Variants in ADCY8 observed in about 807,000 individuals in gnomAD.
ADCY8 encodes adenylate cyclase 8.
ADCY8 carries 51 observed loss-of-function variants against 119.7 expected under a neutral mutation model. The observed-to-expected ratio is 0.43, with a 90% CI of 0.34 to 0.54. The LOEUF (loss-of-function observed/expected upper bound fraction) is 0.54. ADCY8 is among the 20% of genes least tolerant of loss of function. ADCY8 has a pLI of 0.03. For missense variants in ADCY8, 1,383 were observed against 1,598.8 expected (o/e 0.87, Z 2.30); for synonymous variants, 665 against 651.0 (o/e 1.02, Z -0.33).
At position 130,884,330 on chromosome 8, in the gene ADCY8, G is replaced by T. The variant is rs182252374; in HGVS notation, c.2109+234C>A. On this transcript the variant is annotated intron_variant, in intron 8 of 17. Coordinates refer to ENST00000286355, the MANE Select transcript of ADCY8 (RefSeq NM_001115.3). ...AGTTAAAGGAGTCTTTGTTCTTTGAGTCTTCTTTTCCTTAAAGAGCAAGCT... is the reference window on the plus strand; with the variant it reads ...AGTTAAAGGAGTCTTTGTTCTTTGATTCTTCTTTTCCTTAAAGAGCAAGCT... Among the ~76,000 whole-genome samples the T allele has an allele frequency of 2.7e-3, 405 of 152,242 alleles. 2 individuals carry two copies. Among genetic ancestry groups the T allele is most frequent in the Non-Finnish European group, 3.9e-3 (264 of 68,010 alleles).
At chr8:130,894,297 T>C (rs1343032230) in intron 7 of ADCY8, among the ~76,000 whole-genome samples, 1 of 152,172 alleles carries the variant, frequency 6.6e-6, no homozygotes, top group Non-Finnish European at 1.5e-5. Context: ...CCTTTTACCC[T>C]AACTTTCCCA....
At chr8:131,035,860 C>T (rs1353688269) in intron 1 of ADCY8, among the ~76,000 whole-genome samples, 1 of 152,108 alleles carries the variant, frequency 6.6e-6, no homozygotes, top group Middle Eastern at 3.2e-3. Flanking sequence ...AGATGCTATT[C>T]CAGTGTTTAT....
intron 10 of ADCY8, among the ~76,000 whole-genome samples, chr8:130,848,741 C>A (rs934916598): frequency 5.9e-5 from 9 of 152,166 alleles, no homozygotes; most frequent in African/African-American, 1.9e-4. Context: ...CAAATCACCT[C>A]AAAAATCTAG....
chr8:130,951,858 T>TG lies in ADCY8; in HGVS notation c.1241+9dup, dbSNP rs748207416. On this transcript the variant is annotated intron_variant, in intron 3 of 17. Transcript: ENST00000286355. The stretch of plus-strand genomic sequence containing the variant: ...TGCAAGAGCCGGGGCAAGGGTGTTG[T>TG]GTTTCTCACCTGACGTTCTCATAGC... 2 of 1,613,822 alleles carry TG rather than the reference T, an allele frequency of 1.2e-6. No homozygotes were observed. Among genetic ancestry groups the TG allele is most frequent in the Non-Finnish European group, 1.7e-6 (2 of 1,179,830 alleles).
intron 2 of ADCY8, among the ~76,000 whole-genome samples, chr8:130,988,207 A>G (rs1353549567): frequency 6.6e-6 from 1 of 152,208 alleles, no homozygotes; most frequent in Non-Finnish European, 1.5e-5. Flanking sequence ...GGAAGTTCTC[A>G]AGGATAATGG....
intron 1 of ADCY8, among the ~76,000 whole-genome samples, chr8:131,025,302 T>A (rs192137065): frequency 1.3e-5 from 2 of 152,210 alleles, no homozygotes; most frequent in Non-Finnish European, 2.9e-5. Context: ...GTTATTGAGA[T>A]AAAGTGGCCT....
At chr8:130,916,120 G>C (rs369648319) in intron 5 of ADCY8, among the ~76,000 whole-genome samples, 1 of 152,172 alleles carries the variant, frequency 6.6e-6, no homozygotes, top group African/African-American at 2.4e-5. Context: ...ACGTCACACA[G>C]TTATTGATGG....
chr8:130,959,913 C>T (rs1258698534), intron 2 of ADCY8, among the ~76,000 whole-genome samples: 1 of 151,926 alleles, frequency 6.6e-6, no homozygotes, highest in Admixed American at 6.6e-5. Context: ...TCGAGAGTTA[C>T]CAGAAGCAAC....
At chr8:130,850,678 C>G (rs1817495189) in intron 9 of ADCY8, among the ~76,000 whole-genome samples, 1 of 151,972 alleles carries the variant, frequency 6.6e-6, no homozygotes, top group Admixed American at 6.6e-5. Context: ...ATATCTGCTC[C>G]TTTTTCTATA....
chr8:131,004,370 T>G (rs1823049045), intron 1 of ADCY8, among the ~76,000 whole-genome samples: 1 of 152,204 alleles, frequency 6.6e-6, no homozygotes, highest in Non-Finnish European at 1.5e-5. Flanking sequence ...GCTTTTTTGT[T>G]GAAGCCATAC....
intron 5 of ADCY8, among the ~76,000 whole-genome samples, chr8:130,912,065 A>G (rs1174478341): frequency 6.6e-6 from 1 of 152,136 alleles, no homozygotes; most frequent in East Asian, 1.9e-4. Context: ...AATGTCCATT[A>G]CCTCTTTCAA....
chr8:131,013,524 TC>T (rs66772568), intron 1 of ADCY8, among the ~76,000 whole-genome samples: 3,706 of 152,130 alleles, frequency 0.024, 49 homozygotes, highest in East Asian at 0.056. Flanking sequence ...CAAGACCCCC[TC>T]CCCCAGTGAT....
intron 1 of ADCY8, among the ~76,000 whole-genome samples, chr8:131,018,581 A>G (rs1256227838): frequency 6.6e-6 from 1 of 152,230 alleles, no homozygotes; most frequent in East Asian, 1.9e-4. Context: ...CAAGCTGCAC[A>G]ATGACAGGTA....
chr8:130,968,460 C>T (rs781753034), intron 2 of ADCY8, among the ~76,000 whole-genome samples: 5 of 152,134 alleles, frequency 3.3e-5, no homozygotes, highest in African/African-American at 9.7e-5. Context: ...CGTGAGCCAC[C>T]GCACCCGGCC....
At position 130,920,144 on chromosome 8, in the gene ADCY8, T is replaced by TAAAAAA. The variant is rs71304399; in HGVS notation, c.1482-10284_1482-10279dup. On this transcript the variant is annotated intron_variant, in intron 5 of 17. Coordinates refer to ENST00000286355, the MANE Select transcript of ADCY8 (RefSeq NM_001115.3). ...GGTGACAGAACGAGACTCCGTTTCT[T>TAAAAAA]AAAAAAAAAAAAAAAAAAAAAAAAG... is the stretch of plus-strand genomic sequence containing the variant. 1.4e-3 allele frequency among the ~76,000 whole-genome samples: 136 copies of TAAAAAA among 99,814 alleles called. 1 individual carries two copies. The highest frequency in any genetic ancestry group is 5.0e-3 in the African/African-American group (128 of 25,400). 65.5% of individuals were successfully genotyped at this position (99,814 alleles called of 152,430 possible). A position where few individuals can be genotyped will look rare whatever the true frequency, so the allele number is the denominator to read the frequency against.
intron 1 of ADCY8, among the ~76,000 whole-genome samples, chr8:131,014,739 T>C: frequency 6.6e-6 from 1 of 152,196 alleles, no homozygotes. Flanking sequence ...ACTTCTCATA[T>C]GTTAAATGGG....
chr8:130,975,552 A>T (rs562621856), intron 2 of ADCY8, among the ~76,000 whole-genome samples: 17 of 152,346 alleles, frequency 1.1e-4, no homozygotes, highest in Admixed American at 1.1e-3. Flanking sequence ...AAAGGGTACC[A>T]GTTGGTGTCA....
intron 1 of ADCY8, among the ~76,000 whole-genome samples, chr8:130,994,854 C>T (rs1294128420): frequency 3.3e-5 from 5 of 152,112 alleles, no homozygotes; most frequent in African/African-American, 9.7e-5. Flanking sequence ...CTGATTATTT[C>T]CACTCCCATT....
intron 2 of ADCY8, among the ~76,000 whole-genome samples, chr8:130,975,780 A>C (rs1163547823): frequency 1.8e-4 from 27 of 152,284 alleles, no homozygotes; most frequent in African/African-American, 6.5e-4. Flanking sequence ...GTTGTCTATA[A>C]ATACAGTTAA....
Sources: gnomAD v4.1 joint callset for allele counts (sites outside exome capture counted in the v4.1 genomes callset) on GRCh38, gnomAD v4.1.1 for gene constraint, MANE v1.5 for transcripts, NCBI Gene and HGNC (gene_info 2026-07-23, HGNC 2026-07-21) for gene names.